Variants in YAP1 observed in about 807,000 individuals in gnomAD.
YAP1 encodes the protein Yes1 associated transcriptional regulator, also known as transcriptional coactivator YAP1.
A neutral mutation model predicts 56.9 loss-of-function variants in YAP1; 5 were observed. That is an observed-to-expected ratio of 0.09 (90% CI 0.05 to 0.18). The LOEUF (loss-of-function observed/expected upper bound fraction) is 0.18, where lower values mean the gene tolerates loss of function less well. Ranked by LOEUF, YAP1 falls within the 10% of genes least tolerant of loss-of-function variation. The pLI is 1.00. For missense variants in YAP1, 539 were observed against 651.8 expected, an observed-to-expected ratio of 0.83 and a Z score of 1.88; for synonymous variants, 265 against 248.1, an observed-to-expected ratio of 1.07 and a Z score of -0.64.
intron 2 of YAP1, among the ~76,000 whole-genome samples, chr11:102,154,477 T>G (rs921686795): frequency 2.6e-5 from 4 of 152,154 alleles, no homozygotes; most frequent in African/African-American, 9.7e-5. Flanking sequence ...AAATTACACA[T>G]GCATGTGTAT....
At chr11:102,112,425 CTT>C (rs751339753) in intron 1 of YAP1, 8,872 of 807,208 alleles carry the variant, frequency 0.011, no homozygotes, top group Non-Finnish European at 0.012. Flanking sequence ...ATTTCTTCTT[CTT>C]TTTTTTTTTT....
chr11:102,185,123 CTT>C, intron 3 of YAP1, among the ~76,000 whole-genome samples: 2 of 152,258 alleles, frequency 1.3e-5, no homozygotes, highest in East Asian at 3.9e-4. Context: ...TGCCCTGCCT[CTT>C]TTGATTCCTG....
At chr11:102,223,511 A>G in intron 6 of YAP1, 111 bp from the exon 7 acceptor site, 1 of 1,135,334 alleles carries the variant, frequency 8.8e-7, no homozygotes, top group Non-Finnish European at 1.2e-6. Flanking sequence ...TTTAAAGTAG[A>G]TGTTTTTAAT....
rs1162682988 is a variant in YAP1 at position 102,229,836 on chromosome 11, A to T, written c.1411A>T (p.Met471Leu). ...DGMNIEGEEL[M>L]PSLQEALSSD... The stretch of plus-strand genomic sequence containing the variant: ...AATGAACATAGAAGGAGAGGAGCTG[A>T]TGCCAAGTCTGCAGGAAGCTTTGAG... Residue 471 changes from methionine (M) to leucine (L), a missense_variant, in exon 9 of 9, where the codon ATG (methionine) becomes TTG (leucine). Met to Leu is a conservative substitution (Grantham distance 15, BLOSUM62 2). Transcript: ENST00000282441. The T allele has an allele frequency of 6.2e-7, 1 of 1,614,196 alleles. No homozygotes were observed. The highest frequency in any genetic ancestry group is 1.1e-5 in the South Asian group (1 of 91,084).
intron 3 of YAP1, among the ~76,000 whole-genome samples, chr11:102,165,655 A>G (rs574840963): frequency 6.6e-6 from 1 of 152,252 alleles, no homozygotes; most frequent in African/African-American, 2.4e-5. Flanking sequence ...GTATTTAACA[A>G]TAATAATAGT....
At chr11:102,221,594 G>T (rs146450668) in intron 6 of YAP1, among the ~76,000 whole-genome samples, 3 of 152,116 alleles carry the variant, frequency 2.0e-5, no homozygotes, top group African/African-American at 7.2e-5. Flanking sequence ...ATGGTGGTGT[G>T]CCTCTGTGGC....
At chr11:102,191,785 A>C (rs1036056422) in intron 4 of YAP1, among the ~76,000 whole-genome samples, 2 of 151,950 alleles carry the variant, frequency 1.3e-5, no homozygotes, top group East Asian at 3.9e-4. Context: ...GGGCTCATAC[A>C]AGCCTCCCGC....
chr11:102,159,767 G>C (rs1368403205), intron 2 of YAP1, among the ~76,000 whole-genome samples: 1 of 152,126 alleles, frequency 6.6e-6, no homozygotes, highest in East Asian at 1.9e-4. Flanking sequence ...ACACAATCCA[G>C]ATTGTCATTG....
chr11:102,217,754 A>G (rs1187511910), intron 6 of YAP1, among the ~76,000 whole-genome samples: 1 of 151,970 alleles, frequency 6.6e-6, no homozygotes, highest in Non-Finnish European at 1.5e-5. Flanking sequence ...GCAATGGCGC[A>G]ATCTCAGCTA....
At chr11:102,119,897 A>G (rs1040146434) in intron 2 of YAP1, among the ~76,000 whole-genome samples, 1 of 152,210 alleles carries the variant, frequency 6.6e-6, no homozygotes, top group African/African-American at 2.4e-5. Context: ...TCAGTTGCTA[A>G]GATTTAAGAT....
chr11:102,178,829 G>C (rs1295557013), intron 3 of YAP1, among the ~76,000 whole-genome samples: 1 of 152,154 alleles, frequency 6.6e-6, no homozygotes, highest in Non-Finnish European at 1.5e-5. Context: ...AGTTCTGCAG[G>C]CTGTACAGGA....
intron 1 of YAP1, chr11:102,112,871 C>G: frequency 1.4e-6 from 1 of 739,154 alleles, no homozygotes; most frequent in Middle Eastern, 6.9e-4. Flanking sequence ...ATTGGATCCC[C>G]CATTTTGTGG....
At chr11:102,205,602 T>G (rs1949081710) in intron 4 of YAP1, among the ~76,000 whole-genome samples, 1 of 151,930 alleles carries the variant, frequency 6.6e-6, no homozygotes, top group South Asian at 2.1e-4. Context: ...TTTAAACACT[T>G]TCTCTTCTGC....
chr11:102,213,921 C>T (rs936073805), intron 6 of YAP1, among the ~76,000 whole-genome samples: 7 of 151,976 alleles, frequency 4.6e-5, no homozygotes, highest in South Asian at 2.1e-4. Context: ...CTACTAAAAA[C>T]GGAAAAATTA....
At chr11:102,213,071 G>A (rs1949488793) in intron 6 of YAP1, among the ~76,000 whole-genome samples, 1 of 152,224 alleles carries the variant, frequency 6.6e-6, no homozygotes, top group Non-Finnish European at 1.5e-5. Flanking sequence ...GAGACCTTTT[G>A]AGCAAGTGGG....
chr11:102,133,012 T>C lies in YAP1; in HGVS notation c.572+18618T>C, dbSNP rs370161475. Among the ~76,000 whole-genome samples, 11 of 151,814 alleles carry C rather than the reference T, an allele frequency of 7.2e-5. No individual in the cohort carries two copies. In the East Asian group the frequency reaches 2.0e-3, roughly 27 times the overall value. ...GTCTCTACTAAAAATACAAAAATTA[T>C]CTGGGAGTGGTGGTGCTTGCCTGTA... On this transcript the variant is annotated intron_variant, in intron 2 of 8. Coordinates refer to ENST00000282441, the MANE Select transcript of YAP1 (RefSeq NM_001130145.3).
At chr11:102,223,907 T>C (rs917821982) in intron 7 of YAP1, among the ~76,000 whole-genome samples, 155 bp downstream of exon 7, 1 of 152,050 alleles carries the variant, frequency 6.6e-6, no homozygotes, top group Non-Finnish European at 1.5e-5. Flanking sequence ...ACATGCAGAG[T>C]TGAGGATTAA....
intron 2 of YAP1, among the ~76,000 whole-genome samples, chr11:102,116,751 C>T (rs535118291): frequency 2.0e-5 from 3 of 152,178 alleles, no homozygotes; most frequent in Non-Finnish European, 2.9e-5. Flanking sequence ...TAGGATTAGT[C>T]TTACTATATA....
intron 4 of YAP1, among the ~76,000 whole-genome samples, chr11:102,193,414 G>A (rs1948400980): frequency 6.6e-6 from 1 of 151,964 alleles, no homozygotes; most frequent in South Asian, 2.1e-4. Context: ...ACTATGTTTT[G>A]TGAAATTTCG....
Sources: allele counts gnomAD v4.1 joint callset (sites outside exome capture counted in the v4.1 genomes callset), GRCh38; gene constraint gnomAD v4.1.1; transcripts MANE v1.5; gene names NCBI Gene and HGNC (gene_info 2026-07-23, HGNC 2026-07-21).